PTK2: variants seen among roughly 807,000 people sequenced by gnomAD.
PTK2 encodes the protein protein tyrosine kinase 2.
PTK2 carries 45 observed loss-of-function variants against 150.1 expected under a neutral mutation model. The observed-to-expected ratio is 0.30, with a 90% CI of 0.24 to 0.38. The LOEUF is 0.38. PTK2 is among the 10% of genes least tolerant of loss of function. The pLI is 1.00. For missense variants in PTK2, 919 were observed against 1,307.3 expected, an observed-to-expected ratio of 0.70 and a Z score of 4.58; for synonymous variants, 432 against 449.2, an observed-to-expected ratio of 0.96 and a Z score of 0.48.
At chr8:140,749,050 G>T (rs1444167962) in intron 17 of PTK2, among the ~76,000 whole-genome samples, 1 of 152,218 alleles carries the variant, frequency 6.6e-6, no homozygotes. Context: ...AACTGTGAAA[G>T]ACTTTGAAAT....
At chr8:140,986,718 T>G (rs748822992) in intron 1 of PTK2, among the ~76,000 whole-genome samples, 1 of 152,166 alleles carries the variant, frequency 6.6e-6, no homozygotes, top group Non-Finnish European at 1.5e-5. Flanking sequence ...ACTAGAGCTA[T>G]GAGGGGTCCA....
At chr8:140,680,366 T>C (rs2100016300) in intron 27 of PTK2, among the ~76,000 whole-genome samples, 1 of 152,154 alleles carries the variant, frequency 6.6e-6, no homozygotes, top group Non-Finnish European at 1.5e-5. Context: ...TAGCTGGGAT[T>C]ACAGGTACCC....
intron 4 of PTK2, among the ~76,000 whole-genome samples, chr8:140,867,747 G>A (rs542299422): frequency 6.6e-6 from 1 of 152,206 alleles, no homozygotes; most frequent in South Asian, 2.1e-4. Flanking sequence ...AACCTAAAAC[G>A]AAAGTTAAAA....
In PTK2 at chr8:140,702,833, AC is replaced by A. The variant is rs1408350251; in HGVS notation, c.2230-127del. 1.3e-5 allele frequency: 14 copies of A among 1,064,298 alleles called. No homozygotes were observed. The African/African-American group carries it at 2.2e-4, about 17-fold the overall frequency. 65.9% of individuals were successfully genotyped at this position (1,064,298 alleles called of 1,614,324 possible). On this transcript the variant is annotated intron_variant, in intron 24 of 31. Coordinates refer to ENST00000522684, the Ensembl canonical transcript of PTK2. The stretch of plus-strand genomic sequence containing the variant: ...GGCAGAATTATGGCCCCCCAAAGAT[AC>A]CCATGTTCTAATCCCTTGAACATGT...
chr8:140,883,918 G>A (rs545937377), intron 3 of PTK2, among the ~76,000 whole-genome samples: 1 of 152,064 alleles, frequency 6.6e-6, no homozygotes, highest in East Asian at 1.9e-4. Flanking sequence ...ACGTCAGCAG[G>A]GATGTGCTGT....
chr8:140,810,126 T>C (rs2100100554), intron 10 of PTK2, among the ~76,000 whole-genome samples: 1 of 152,192 alleles, frequency 6.6e-6, no homozygotes, highest in African/African-American at 2.4e-5. Context: ...CAACCTGCTC[T>C]CACTACAGGC....
At chr8:140,847,846 CAA>C (rs908265885) in intron 5 of PTK2, among the ~76,000 whole-genome samples, 1 of 152,144 alleles carries the variant, frequency 6.6e-6, no homozygotes, top group Non-Finnish European at 1.5e-5. Flanking sequence ...CCCATTTGTT[CAA>C]AGAGTCCCAC....
At chr8:140,952,007 A>G (rs1298802495) in intron 1 of PTK2, among the ~76,000 whole-genome samples, 3 of 152,110 alleles carry the variant, frequency 2.0e-5, no homozygotes, top group Non-Finnish European at 2.9e-5. Context: ...GTTTCCCAGC[A>G]CATTACACTA....
At chr8:140,892,027 A>G (rs892472672) in intron 2 of PTK2, among the ~76,000 whole-genome samples, 1 of 151,972 alleles carries the variant, frequency 6.6e-6, no homozygotes, top group African/African-American at 2.4e-5. Flanking sequence ...GCAACATGAC[A>G]AGACCTTGTC....
At chr8:140,907,551 T>C (rs201112548) in intron 2 of PTK2, among the ~76,000 whole-genome samples, 1 of 152,124 alleles carries the variant, frequency 6.6e-6, no homozygotes, top group Admixed American at 6.6e-5. Flanking sequence ...CAACTGCCTT[T>C]TTTTTAAAAC....
At position 140,714,373 on chromosome 8, in the gene PTK2, C is replaced by T. The variant is rs571061846; in HGVS notation, c.2142+3225G>A. Among the ~76,000 whole-genome samples the T allele has an allele frequency of 1.3e-3, 199 of 151,786 alleles. 1 individual carries two copies. The highest frequency in any genetic ancestry group is 6.8e-3 in the Middle Eastern group (2 of 294). On this transcript the variant is annotated intron_variant, in intron 23 of 31. Coordinates refer to ENST00000522684, the Ensembl canonical transcript of PTK2. ...ATCTAAATTTCAGAAATCTAAGTGGCTCTGGAGGCCGAAGCAAAGGGATTG... is the reference window on the plus strand; with the variant it reads ...ATCTAAATTTCAGAAATCTAAGTGGTTCTGGAGGCCGAAGCAAAGGGATTG...
intron 23 of PTK2, among the ~76,000 whole-genome samples, chr8:140,712,207 A>C (rs1554781212): frequency 1.3e-5 from 2 of 151,988 alleles, no homozygotes; most frequent in African/African-American, 2.4e-5. Context: ...AAAAAAAAAA[A>C]CCTACTTTTT....
intron 25 of PTK2, 26 bp from the exon 29 acceptor site, chr8:140,701,048 A>G: frequency 6.2e-7 from 1 of 1,608,316 alleles, no homozygotes; most frequent in East Asian, 2.2e-5. Context: ...AAAACAGCAT[A>G]TTCAGTCTCA....
chr8:140,920,274 C>T (rs919351807), intron 2 of PTK2, among the ~76,000 whole-genome samples: 9 of 151,960 alleles, frequency 5.9e-5, no homozygotes, highest in Non-Finnish European at 1.3e-4. Context: ...AATGAAAATG[C>T]TATTATTTTA....
rs575506306 is a variant in PTK2, at chr8:140,939,050, T to C, written c.-121-13301A>G. Among the ~76,000 whole-genome samples the C allele has an allele frequency of 5.9e-5, 9 of 152,218 alleles. No individual in the cohort carries two copies. In the South Asian group the frequency reaches 1.9e-3, roughly 32 times the overall value. Reference sequence around the variant, plus strand: ...CCCTGCTTTCCTCCCCTCTTCCATCTTCTTACGTGAATAAAAGTAGGGTTG... The same window carrying C: ...CCCTGCTTTCCTCCCCTCTTCCATCCTCTTACGTGAATAAAAGTAGGGTTG... On this transcript the variant is annotated intron_variant, in intron 1 of 31. Transcript: ENST00000522684.
chr8:140,841,298 AC>A (rs1333384193), intron 7 of PTK2, among the ~76,000 whole-genome samples: 10 of 152,236 alleles, frequency 6.6e-5, no homozygotes, highest in African/African-American at 2.4e-4. Flanking sequence ...TATTTTTGAA[AC>A]TTTTTCATGA....
chr8:140,675,222 G>A (rs1320817864), intron 28 of PTK2, among the ~76,000 whole-genome samples: 2 of 150,194 alleles, frequency 1.3e-5, no homozygotes, highest in Non-Finnish European at 3.0e-5. Flanking sequence ...CTGGAGTGCA[G>A]TGGCGTGATC....
rs1181421194 is a variant in PTK2, at chr8:140,693,564, T to TTAAAAAAAAAAAAAAAAAA, written c.2500-6871_2500-6870insTTTTTTTTTTTTTTTTTTA. 1.9e-4 allele frequency among the ~76,000 whole-genome samples: 14 copies of TTAAAAAAAAAAAAAAAAAA among 72,458 alleles called. 6 individuals carry two copies. Among genetic ancestry groups the TTAAAAAAAAAAAAAAAAAA allele is most frequent in the African/African-American group, 8.4e-4 (14 of 16,620 alleles). 47.5% of individuals were successfully genotyped at this position (72,458 alleles called of 152,430 possible). On this transcript the variant is annotated intron_variant, in intron 26 of 31. Transcript: ENST00000522684. ...CCACAGAGTGAGACTTTGTCTCAAT[T>TTAAAAAAAAAAAAAAAAAA]AAAAAAAAAAAAAAAAAAAAAAAAA...
At chr8:140,764,054 T>C (rs1565890126) in intron 15 of PTK2, 180 bp downstream of exon 17, 1 of 635,502 alleles carries the variant, frequency 1.6e-6, no homozygotes, top group Non-Finnish European at 2.8e-6. Flanking sequence ...TTTAGGCTTC[T>C]GACCTTAGAG....
Sources: allele counts gnomAD v4.1 joint callset (sites outside exome capture counted in the v4.1 genomes callset), GRCh38; gene constraint gnomAD v4.1.1; transcripts MANE v1.5; gene names NCBI Gene and HGNC (gene_info 2026-07-23, HGNC 2026-07-21).